The following DGKQ variants were observed in gnomAD, a reference collection of about 807,000 sequenced individuals.
The protein encoded by DGKQ is DAG kinase theta.
Under a neutral mutation model 104.2 loss-of-function variants are expected in DGKQ, and 97 were observed. That is an observed-to-expected ratio of 0.93 (90% CI 0.79 to 1.10). The LOEUF (loss-of-function observed/expected upper bound fraction) is 1.10, where lower values mean the gene tolerates loss of function less well. Ranked by LOEUF, DGKQ falls within the 50% of genes least tolerant of loss-of-function variation. DGKQ has a pLI of 0.00. For synonymous variants in DGKQ, 736 were observed against 595.2 expected (o/e 1.24, Z -3.44); for missense variants, 1,465 against 1,352.1 (o/e 1.08, Z -1.31).
rs1305729995 is a variant in DGKQ at position 961,722 on chromosome 4, T to C, written c.2428A>G (p.Ser810Gly). 6.2e-6 allele frequency: 10 copies of C among 1,612,646 alleles called. No individual in the cohort carries two copies. The highest frequency in any genetic ancestry group is 1.3e-5 in the African/African-American group (1 of 74,996). Reference sequence around the variant, plus strand: ...TTGATGAAGATGAGGCCTTCAATACTGGGCAGCTCCACCTCCTGCCGCTCC... The same window carrying C: ...TTGATGAAGATGAGGCCTTCAATACCGGGCAGCTCCACCTCCTGCCGCTCC... Reference protein sequence around the residue: ...QVERQEVELPSIEGLIFINIP... With the variant: ...QVERQEVELPGIEGLIFINIP... The change falls in exon 20 of 23, where the codon AGT becomes GGT. Residue 810 changes from serine to glycine, a missense_variant. Coordinates refer to ENST00000273814, the MANE Select transcript of DGKQ (RefSeq NM_001347.4).
chr4:970,860 G>A (rs976401238), intron 2 of DGKQ, 133 bp downstream of exon 2: 5 of 640,206 alleles, frequency 7.8e-6, no homozygotes, highest in Non-Finnish European at 1.4e-5. Context: ...TTAATCCCGA[G>A]CAGTATCTGC....
At position 973,402 on chromosome 4, in the gene DGKQ, G is replaced by C. The variant is rs558181763; in HGVS notation, c.81C>G (p.Pro27=). The C allele has an allele frequency of 9.8e-7, 1 of 1,023,762 alleles. No individual in the cohort carries two copies. The highest frequency in any genetic ancestry group is 1.7e-5 in the African/African-American group (1 of 57,676). 63.4% of individuals were successfully genotyped at this position (1,023,762 alleles called of 1,614,324 possible). A position where few individuals can be genotyped will look rare whatever the true frequency, so the allele number is the denominator to read the frequency against. The change falls in exon 1 of 23, where the codon CCC becomes CCG. Residue 27 remains proline (P), a synonymous_variant. Transcript: ENST00000273814. ...GCGCGCGGCCTCCTGAGCCCAGCAC[G>C]GGGCTGCAGGCCGGGCTGCCGGGGC... is the stretch of plus-strand genomic sequence containing the variant. ...SPRPGSPACS[P]VLGSGGRARP...
In DGKQ at chr4:962,508, C is replaced by A. The variant is rs768444769; in HGVS notation, c.2141G>T (p.Arg714Leu). 6.2e-7 allele frequency: 1 copy of A among 1,609,510 alleles called. No individual in the cohort carries two copies. The highest frequency in any genetic ancestry group is 1.1e-5 in the South Asian group (1 of 91,038). Residue 714 changes from arginine to leucine, a missense_variant, in exon 18 of 23, where the codon CGC becomes CTC. Arg to Leu is a moderately radical substitution (Grantham distance 102). Coordinates refer to ENST00000273814, the MANE Select transcript of DGKQ (RefSeq NM_001347.4). ...GTGGGCATCCAGCAGGATGGTCCAG[C>A]GGTCCATGAGCACGGCGTCGGCCTC... ...VDEADAVLMDRWTILLDAHEA... is the reference protein window; with the variant it reads ...VDEADAVLMDLWTILLDAHEA...
Position 961,529 on chromosome 4 carries a change from C to G in DGKQ, c.2512G>C (p.Glu838Gln), listed in dbSNP as rs746018784. The change falls in exon 21 of 23, where the codon GAG (glutamate) becomes CAG (glutamine). Residue 838 changes from glutamate to glutamine, a missense_variant. Transcript: ENST00000273814. ...AGCCCGTCGTCCATGCGTGGCTTCT[C>G]AAACCTGGTGTCGCTGTCGGAGCCC... The part of the protein sequence containing the change: ...LWGSDSDTRF[E>Q]KPRMDDGLLE... The G allele has an allele frequency of 1.2e-5, 20 of 1,609,640 alleles. No individual in the cohort carries two copies. The East Asian group carries it at 4.5e-4, about 36-fold the overall frequency.
chr4:965,866 C>T (rs989883702), intron 13 of DGKQ, 62 bp downstream of exon 13: 2 of 1,488,428 alleles, frequency 1.3e-6, no homozygotes, highest in Non-Finnish European at 1.8e-6. Flanking sequence ...ACTGCAGCCC[C>T]ACTGCCTGCC....
chr4:963,266 A>G lies in DGKQ; in HGVS notation c.1759T>C (p.Cys587Arg). 1 of 1,607,158 alleles carries G rather than the reference A, an allele frequency of 6.2e-7. No individual in the cohort carries two copies. The highest frequency in any genetic ancestry group is 8.5e-7 in the Non-Finnish European group (1 of 1,175,268). The change falls in exon 16 of 23, where the codon TGT becomes CGT. Residue 587 changes from cysteine (C) to arginine (R), a missense_variant. By Grantham distance (180) the Cys-to-Arg change is radical. Transcript: ENST00000273814. ...GGGTTCACGAACACAAGGAGGGGAC[A>G]GCTGTCTGGGGGCAGCTTCGCGTGC... ...LLHAKLPPDSCPLLVFVNPKS... is the reference protein window; with the variant it reads ...LLHAKLPPDSRPLLVFVNPKS...
In DGKQ at chr4:962,604, A is replaced by G; in HGVS notation, c.2045T>C (p.Leu682Pro). ...AILPLGTGND[L>P]GRVLRWGAGY... ...CGCCCCCCAGCGGAGGACTCGACCA[A>G]GGTCATTCCCTGGGACACAAGCAGA... is the stretch of plus-strand genomic sequence containing the variant. Residue 682 changes from leucine (L) to proline (P), a missense_variant, in exon 18 of 23, where the codon CTT becomes CCT. Leu to Pro is a moderately conservative substitution (Grantham distance 98). Coordinates refer to ENST00000273814, the MANE Select transcript of DGKQ (RefSeq NM_001347.4). The G allele has an allele frequency of 6.2e-7, 1 of 1,607,972 alleles. No individual in the cohort carries two copies. The highest frequency in any genetic ancestry group is 1.1e-5 in the South Asian group (1 of 91,034).
chr4:965,896 C>T, intron 13 of DGKQ, 32 bp downstream of exon 13: 2 of 1,563,194 alleles, frequency 1.3e-6, no homozygotes, highest in African/African-American at 1.3e-5. Flanking sequence ...TGCCCCGTGC[C>T]AGCAGCCCAC....
chr4:966,973 G>C lies in DGKQ; in HGVS notation c.1302C>G (p.Leu434=). 1 of 1,563,862 alleles carries C rather than the reference G, an allele frequency of 6.4e-7. No homozygotes were observed. Among genetic ancestry groups the C allele is most frequent in the Non-Finnish European group, 8.6e-7 (1 of 1,157,038 alleles). ...RSVVLEVLPL[L]GRQAESPESF... ...GGCACAGGGTACGCACCTGGCGGCCGAGCAGCGGCAGGACCTCCAGCACCA... is the reference window on the plus strand; with the variant it reads ...GGCACAGGGTACGCACCTGGCGGCCCAGCAGCGGCAGGACCTCCAGCACCA... The change falls in exon 10 of 23, where the codon CTC becomes CTG. Residue 434 remains leucine (L), a synonymous_variant. Transcript: ENST00000273814.
At chr4:960,789 C>A (rs1711829942) in intron 22 of DGKQ, 68 bp from the exon 23 acceptor site, 1 of 1,574,496 alleles carries the variant, frequency 6.4e-7, no homozygotes, top group Non-Finnish European at 8.6e-7. Flanking sequence ...ACGGGCAGCC[C>A]CCGGTCCTGG....
At chr4:963,045 G>A (rs1290842620) in intron 16 of DGKQ, 94 bp downstream of exon 16, 5 of 1,489,846 alleles carry the variant, frequency 3.4e-6, no homozygotes, top group East Asian at 2.5e-5. Flanking sequence ...CGGGATCCCC[G>A]TGGAGCTCCT....
chr4:973,163 G>A (rs1225473641), intron 1 of DGKQ, 49 bp downstream of exon 1: 2 of 1,476,760 alleles, frequency 1.4e-6, no homozygotes. Context: ...CCCGCCCACG[G>A]GGCAGAGGCA....
Position 967,216 on chromosome 4 carries a change from C to G in DGKQ, c.1133G>C (p.Gly378Ala). The stretch of plus-strand genomic sequence containing the variant: ...GGCCTCTGGCGTGGCCTCGCCGGAC[C>G]CGGGGCTTCTGCCCTCCTCCGAGAT... ...AVISEEGRSP[G>A]SGEATPEAWV... Residue 378 changes from glycine to alanine, a missense_variant, in exon 9 of 23, where the codon GGG becomes GCG. Coordinates refer to ENST00000273814, the MANE Select transcript of DGKQ (RefSeq NM_001347.4). The G allele has an allele frequency of 6.3e-7, 1 of 1,582,832 alleles. No individual in the cohort carries two copies. The highest frequency in any genetic ancestry group is 8.6e-7 in the Non-Finnish European group (1 of 1,165,926).
At chr4:970,169 G>A (rs2153011091) in intron 2 of DGKQ, among the ~76,000 whole-genome samples, 1 of 152,342 alleles carries the variant, frequency 6.6e-6, no homozygotes, top group Middle Eastern at 3.4e-3. Flanking sequence ...CATTAGAGGG[G>A]ACGGCGCAGC....
chr4:960,292 G>T lies in DGKQ; in HGVS notation c.*328C>A. On this transcript the variant is annotated 3_prime_UTR_variant, in exon 23 of 23. Transcript: ENST00000273814. The stretch of plus-strand genomic sequence containing the variant: ...GCTCAAGGGGCTCAGTGGGGAGAGG[G>T]ATGGGTGCCCACCCCTGAGGAGAGG... The T allele has an allele frequency of 5.0e-6, 2 of 400,020 alleles. No homozygotes were observed. Among genetic ancestry groups the T allele is most frequent in the East Asian group, 4.2e-5 (1 of 23,866 alleles). 24.8% of individuals were successfully genotyped at this position (400,020 alleles called of 1,614,324 possible).
intron 21 of DGKQ, 81 bp downstream of exon 21, chr4:961,386 G>A (rs1257975526): frequency 2.1e-6 from 3 of 1,445,142 alleles, no homozygotes; most frequent in Non-Finnish European, 2.8e-6. Context: ...CCTGGCCCTG[G>A]GGCGGGAGAG....
chr4:966,415 T>C (rs773918539), intron 12 of DGKQ, 51 bp downstream of exon 12: 3 of 1,588,174 alleles, frequency 1.9e-6, no homozygotes, highest in African/African-American at 2.7e-5. Context: ...GGGCAGAGGC[T>C]GTGGCTGAGG....
chr4:961,076 G>A lies in DGKQ; in HGVS notation c.2700C>T (p.His900=). 6.2e-7 allele frequency: 1 copy of A among 1,612,298 alleles called. No individual in the cohort carries two copies. Among genetic ancestry groups the A allele is most frequent in the Non-Finnish European group, 8.5e-7 (1 of 1,179,654 alleles). ...DGEPWVQAPG[H]MIISAAGPKV... ...TAGGGCCAGCAGCTGAGATGATCAT[G>A]TGCCCCGGGGCCTGGACCCAGGGCT... is the stretch of plus-strand genomic sequence containing the variant. The change falls in exon 22 of 23, where the codon CAC becomes CAT. Residue 900 remains histidine, a synonymous_variant. Coordinates refer to ENST00000273814, the MANE Select transcript of DGKQ (RefSeq NM_001347.4).
Position 967,548 on chromosome 4 carries a change from C to G in DGKQ, c.987+1G>C. ...CAGACCTCCCCCAGCCTCCCCCTTA[C>G]CAGCACCTCCTCGGCACCGGCCAGG... On this transcript the variant is annotated splice_donor_variant, in intron 8 of 22. Transcript: ENST00000273814. LOFTEE classifies it high-confidence loss of function. 2 of 1,612,216 alleles carry G rather than the reference C, an allele frequency of 1.2e-6. No homozygotes were observed. The highest frequency in any genetic ancestry group is 1.7e-6 in the Non-Finnish European group (2 of 1,179,648).
Sources: gnomAD v4.1 joint callset for allele counts (sites outside exome capture counted in the v4.1 genomes callset) on GRCh38, gnomAD v4.1.1 for gene constraint, MANE v1.5 for transcripts, NCBI Gene and HGNC (gene_info 2026-07-23, HGNC 2026-07-21) for gene names.